Variants in ATRNL1 observed in about 807,000 individuals in gnomAD.
ATRNL1 encodes the protein attractin like 1.
ATRNL1 carries 95 observed loss-of-function variants against 182.7 expected under a neutral mutation model. The observed-to-expected ratio is 0.52, with a 90% CI of 0.44 to 0.62. The LOEUF is 0.62. ATRNL1 is among the 20% of genes least tolerant of loss of function. The probability of loss-of-function intolerance (pLI) is 0.00; values close to 1 mark genes in which losing one functional copy is unlikely to be tolerated. For missense variants in ATRNL1, 1,471 were observed against 1,679.5 expected, an observed-to-expected ratio of 0.88 and a Z score of 2.17; for synonymous variants, 576 against 568.3, an observed-to-expected ratio of 1.01 and a Z score of -0.19.
chr10:115,757,184 A>G (rs1555072287), intron 27 of ATRNL1, among the ~76,000 whole-genome samples: 1 of 152,106 alleles, frequency 6.6e-6, no homozygotes, highest in African/African-American at 2.4e-5. Flanking sequence ...GTTATGTGTG[A>G]ATTTGATCCT....
chr10:115,363,714 T>A (rs1856871240), intron 19 of ATRNL1, among the ~76,000 whole-genome samples: 1 of 152,056 alleles, frequency 6.6e-6, no homozygotes, highest in Non-Finnish European at 1.5e-5. Context: ...AAGGAAGGGA[T>A]CCAGTTTCAG....
At chr10:115,296,260 T>G (rs1405057775) in intron 15 of ATRNL1, among the ~76,000 whole-genome samples, 1 of 152,182 alleles carries the variant, frequency 6.6e-6, no homozygotes, top group Admixed American at 6.5e-5. Flanking sequence ...GCTGCCTTTC[T>G]GGACTTCCAT....
At chr10:115,802,751 G>A (rs187013811) in intron 27 of ATRNL1, among the ~76,000 whole-genome samples, 2 of 152,074 alleles carry the variant, frequency 1.3e-5, no homozygotes, top group Non-Finnish European at 2.9e-5. Context: ...TATATGAGAC[G>A]TTTGTTAACT....
intron 26 of ATRNL1, among the ~76,000 whole-genome samples, chr10:115,581,682 A>G (rs1197790868): frequency 1.3e-5 from 2 of 152,162 alleles, no homozygotes; most frequent in African/African-American, 4.8e-5. Context: ...GATTGATCCA[A>G]GGTAAACAGG....
At chr10:115,879,211 G>T (rs1951767605) in intron 28 of ATRNL1, among the ~76,000 whole-genome samples, 1 of 149,638 alleles carries the variant, frequency 6.7e-6, no homozygotes, top group Non-Finnish European at 1.5e-5. Context: ...AGAGGCTGAA[G>T]TTAGAGAATT....
intron 24 of ATRNL1, among the ~76,000 whole-genome samples, chr10:115,483,576 C>A (rs1848872618): frequency 1.3e-5 from 2 of 151,420 alleles, no homozygotes; most frequent in Admixed American, 6.6e-5. Flanking sequence ...TATGTACAGA[C>A]CTAATTTACA....
intron 26 of ATRNL1, among the ~76,000 whole-genome samples, chr10:115,662,637 T>A (rs1555038382): frequency 6.6e-6 from 1 of 152,204 alleles, no homozygotes; most frequent in East Asian, 1.9e-4. Flanking sequence ...GGCAATAACA[T>A]CTGATTTATG....
chr10:115,790,753 C>CT (rs1949512496), intron 27 of ATRNL1, among the ~76,000 whole-genome samples: 1 of 151,810 alleles, frequency 6.6e-6, no homozygotes, highest in Admixed American at 6.6e-5. Flanking sequence ...GCTTTATTCT[C>CT]TTTTTTCTAT....
intron 8 of ATRNL1, among the ~76,000 whole-genome samples, chr10:115,200,060 A>G (rs991463482): frequency 6.6e-6 from 1 of 152,098 alleles, no homozygotes; most frequent in African/African-American, 2.4e-5. Flanking sequence ...TGTTAGCAAG[A>G]TGAACTAATC....
At chr10:115,199,591 C>T (rs147626407) in intron 8 of ATRNL1, among the ~76,000 whole-genome samples, 299 of 152,040 alleles carry the variant, frequency 2.0e-3, no homozygotes, top group African/African-American at 6.8e-3. Context: ...TTAAGCATGA[C>T]TGAAACTTGA....
intron 6 of ATRNL1, among the ~76,000 whole-genome samples, chr10:115,165,295 CAATT>C (rs1169277455): frequency 1.7e-4 from 26 of 151,898 alleles, no homozygotes; most frequent in African/African-American, 4.8e-4. Flanking sequence ...GGCAATTGGA[CAATT>C]AATTCCAGTA....
chr10:115,875,690 G>A (rs2134426980), intron 28 of ATRNL1, among the ~76,000 whole-genome samples: 1 of 152,332 alleles, frequency 6.6e-6, no homozygotes, highest in South Asian at 2.1e-4. Flanking sequence ...CTTACTAGGT[G>A]TTGGCTGAGC....
intron 27 of ATRNL1, among the ~76,000 whole-genome samples, chr10:115,754,607 C>A (rs1257803084): frequency 1.3e-5 from 2 of 152,088 alleles, no homozygotes; most frequent in Non-Finnish European, 2.9e-5. Context: ...TAGCATGATG[C>A]CTCCAGCTTT....
At chr10:115,769,124 G>A (rs1948926074) in intron 27 of ATRNL1, among the ~76,000 whole-genome samples, 1 of 152,086 alleles carries the variant, frequency 6.6e-6, no homozygotes, top group Admixed American at 6.6e-5. Flanking sequence ...AGCAATTAAA[G>A]GAAAGAAATT....
At chr10:115,735,733 T>TG (rs1555065337) in intron 27 of ATRNL1, among the ~76,000 whole-genome samples, 4 of 152,174 alleles carry the variant, frequency 2.6e-5, no homozygotes. Context: ...ACAGTGTAGA[T>TG]GCAGGCTGAA....
chr10:115,715,933 A>G (rs1307812261), intron 26 of ATRNL1, among the ~76,000 whole-genome samples: 1 of 152,204 alleles, frequency 6.6e-6, no homozygotes, highest in East Asian at 1.9e-4. Context: ...GAGTTACTCC[A>G]ATGAGCCTGT....
chr10:115,567,954 G>A (rs74498523), intron 26 of ATRNL1, among the ~76,000 whole-genome samples: 1,766 of 152,160 alleles, frequency 0.012, 28 homozygotes, highest in African/African-American at 0.039. Flanking sequence ...GGTAGCCTGA[G>A]TACTGTCATC....
At chr10:115,594,075 T>A (rs982049087) in intron 26 of ATRNL1, among the ~76,000 whole-genome samples, 5 of 152,134 alleles carry the variant, frequency 3.3e-5, no homozygotes, top group Non-Finnish European at 5.9e-5. Flanking sequence ...AATTCATATT[T>A]CTTTTATTGA....
intron 19 of ATRNL1, among the ~76,000 whole-genome samples, chr10:115,357,045 C>T (rs1488224156): frequency 2.0e-5 from 3 of 151,798 alleles, no homozygotes; most frequent in African/African-American, 7.2e-5. Context: ...TGCTTAGCCC[C>T]TATAATGTAT....
Sources: gnomAD v4.1 joint callset for allele counts (sites outside exome capture counted in the v4.1 genomes callset) on GRCh38, gnomAD v4.1.1 for gene constraint, MANE v1.5 for transcripts, NCBI Gene and HGNC (gene_info 2026-07-23, HGNC 2026-07-21) for gene names.